Variants in VIT observed in about 807,000 individuals in gnomAD.
VIT encodes the protein vitrin.
In VIT, 99 loss-of-function variants were observed where a neutral mutation model predicts 78.0. The ratio of observed to expected loss-of-function variants is 1.27; its 90% confidence interval spans 1.08 to 1.50. The LOEUF (loss-of-function observed/expected upper bound fraction) is 1.50. Ranked by LOEUF, VIT falls within the 40% of genes most tolerant of loss-of-function variation. The probability of loss-of-function intolerance (pLI) is 0.00; values close to 1 mark genes in which losing one functional copy is unlikely to be tolerated. For synonymous variants in VIT, 374 were observed against 334.3 expected, an observed-to-expected ratio of 1.12 and a Z score of -1.29; for missense variants, 1,126 against 875.3, an observed-to-expected ratio of 1.29 and a Z score of -3.61.
intron 4 of VIT, among the ~76,000 whole-genome samples, chr2:36,745,287 C>G (rs959341612): frequency 9.2e-5 from 14 of 151,926 alleles, no homozygotes; most frequent in African/African-American, 3.4e-4. Context: ...GTTTTTTTGG[C>G]TCTTCAGGCT....
intron 2 of VIT, among the ~76,000 whole-genome samples, chr2:36,724,453 A>T (rs568733965): frequency 6.6e-6 from 1 of 152,172 alleles, no homozygotes; most frequent in Non-Finnish European, 1.5e-5. Flanking sequence ...TAGGCGTCCT[A>T]GGAAAACGAA....
chr2:36,750,093 G>A (rs1035016111), intron 4 of VIT, among the ~76,000 whole-genome samples: 6 of 152,124 alleles, frequency 3.9e-5, no homozygotes, highest in South Asian at 4.1e-4. Flanking sequence ...AAAGAAAAAC[G>A]ACACGAAAAG....
intron 1 of VIT, 25 bp downstream of exon 1, chr2:36,696,998 G>A (rs902915210): frequency 6.6e-6 from 1 of 152,146 alleles, no homozygotes; most frequent in African/African-American, 2.4e-5. Context: ...TTTCTAAGCT[G>A]TGTATATAGT....
chr2:36,787,800 G>A (rs1665209972), intron 12 of VIT: 1 of 456,020 alleles, frequency 2.2e-6, no homozygotes. Flanking sequence ...CCCCTGCACT[G>A]GTACTGGAAA....
At chr2:36,773,214 T>C (rs1198319408) in intron 7 of VIT, among the ~76,000 whole-genome samples, 1 of 152,196 alleles carries the variant, frequency 6.6e-6, no homozygotes, top group Non-Finnish European at 1.5e-5. Context: ...AATAATGAAG[T>C]GTAAAGAAAT....
intron 7 of VIT, among the ~76,000 whole-genome samples, chr2:36,767,684 C>A (rs1669516894): frequency 6.6e-6 from 1 of 152,158 alleles, no homozygotes; most frequent in Admixed American, 6.5e-5. Flanking sequence ...GAAAAGTCAG[C>A]TAATGTTTTT....
rs369323317 is a variant in VIT at position 36,787,286 on chromosome 2, G to T, written c.1058+10G>T. 4 of 1,603,896 alleles carry T rather than the reference G, an allele frequency of 2.5e-6. No individual in the cohort carries two copies. The highest frequency in any genetic ancestry group is 3.4e-6 in the Non-Finnish European group (4 of 1,173,688). On this transcript the variant is annotated intron_variant, in intron 12 of 15. Coordinates refer to ENST00000379242, the MANE Select transcript of VIT (RefSeq NM_053276.4). ...GTGTTGTCCAGTATGGGTAAGTGCA[G>T]TTAATGTTCTGAATCCAGAAAGGAA...
At chr2:36,808,404 C>G (rs1666889514) in intron 14 of VIT, 68 bp from the exon 15 acceptor site, 1 of 1,521,468 alleles carries the variant, frequency 6.6e-7, no homozygotes, top group Non-Finnish European at 8.8e-7. Context: ...CCCGGGGGAT[C>G]AAGCCTAATG....
rs78396242 is a variant in VIT, at chr2:36,767,789, C to A, written c.679+504C>A. 2.5e-3 allele frequency among the ~76,000 whole-genome samples: 386 copies of A among 152,282 alleles called. 1 individual carries two copies. Among genetic ancestry groups the A allele is most frequent in the African/African-American group, 9.0e-3 (376 of 41,562 alleles). ...AAGGTCCAGTTTATGGACTTCATCT[C>A]GTACTACATCAAATAGGGCCTAAGG... On this transcript the variant is annotated intron_variant, in intron 7 of 15. Coordinates refer to ENST00000379242, the MANE Select transcript of VIT (RefSeq NM_053276.4).
intron 11 of VIT, among the ~76,000 whole-genome samples, chr2:36,783,904 G>C (rs776009919): frequency 6.6e-6 from 1 of 152,218 alleles, no homozygotes; most frequent in Non-Finnish European, 1.5e-5. Context: ...GCAGGTTTAT[G>C]TCTATCATTT....
rs766684956 is a variant in VIT, at chr2:36,805,674, T to A, written c.1389+10T>A. On this transcript the variant is annotated intron_variant, in intron 14 of 15. Coordinates refer to ENST00000379242, the MANE Select transcript of VIT (RefSeq NM_053276.4). ...CAACTTTGCAAACAAGGTAGATGAC[T>A]GCCCGGAGACCTACCCAACATCAGG... is the stretch of plus-strand genomic sequence containing the variant. The A allele has an allele frequency of 1.9e-6, 3 of 1,608,660 alleles. No homozygotes were observed. The Admixed American group carries it at 5.0e-5, about 27-fold the overall frequency.
intron 9 of VIT, among the ~76,000 whole-genome samples, chr2:36,780,486 A>C (rs1341490617): frequency 6.6e-6 from 1 of 152,248 alleles, no homozygotes; most frequent in East Asian, 1.9e-4. Flanking sequence ...GCAAGTCATA[A>C]ATATCTTGAA....
intron 3 of VIT, among the ~76,000 whole-genome samples, chr2:36,741,816 G>T (rs1163103503): frequency 6.6e-6 from 1 of 152,118 alleles, no homozygotes; most frequent in Non-Finnish European, 1.5e-5. Flanking sequence ...GCTTCCTGGG[G>T]CAGCTCAGTC....
chr2:36,762,137 T>C (rs868490735), intron 6 of VIT, among the ~76,000 whole-genome samples: 7 of 152,186 alleles, frequency 4.6e-5, no homozygotes, highest in African/African-American at 1.4e-4. Flanking sequence ...TCTAAAACTA[T>C]CTATTTACCC....
intron 12 of VIT, among the ~76,000 whole-genome samples, chr2:36,795,282 AAG>A (rs1665796640): frequency 6.6e-6 from 1 of 152,054 alleles, no homozygotes; most frequent in African/African-American, 2.4e-5. Flanking sequence ...GGTGGGGAAA[AAG>A]AATGGAGTCA....
chr2:36,755,068 C>A lies in VIT; in HGVS notation c.409+14C>A. On this transcript the variant is annotated intron_variant, in intron 5 of 15. Coordinates refer to ENST00000379242, the MANE Select transcript of VIT (RefSeq NM_053276.4). ...TTATCGTCTTAGGTATGACCACACA[C>A]TGGAGAAACGCTGCTAAACCTACCA... 6.2e-7 allele frequency: 1 copy of A among 1,611,574 alleles called. No individual in the cohort carries two copies. Among genetic ancestry groups the A allele is most frequent in the Non-Finnish European group, 8.5e-7 (1 of 1,178,928 alleles).
At chr2:36,740,235 G>C (rs1214811986) in intron 3 of VIT, among the ~76,000 whole-genome samples, 2 of 152,188 alleles carry the variant, frequency 1.3e-5, no homozygotes, top group African/African-American at 2.4e-5. Flanking sequence ...ATAGTTCAAA[G>C]ACCTTCAGAG....
rs560214183 is a variant in VIT at position 36,761,009 on chromosome 2, G to T, written c.487+1963G>T. Reference sequence around the variant, plus strand: ...GAAACAGTCCCCAGGTTCACATAAAGCCCCCAACTTCAGGGACCACATGTC... The same window carrying T: ...GAAACAGTCCCCAGGTTCACATAAATCCCCCAACTTCAGGGACCACATGTC... On this transcript the variant is annotated intron_variant, in intron 6 of 15. Coordinates refer to ENST00000379242, the MANE Select transcript of VIT (RefSeq NM_053276.4). Among the ~76,000 whole-genome samples, 14 of 151,982 alleles carry T rather than the reference G, an allele frequency of 9.2e-5. No homozygotes were observed. The East Asian group carries it at 1.6e-3, about 17-fold the overall frequency.
intron 2 of VIT, among the ~76,000 whole-genome samples, chr2:36,722,738 T>G (rs948755395): frequency 1.7e-4 from 26 of 152,306 alleles, no homozygotes; most frequent in Non-Finnish European, 3.4e-4. Context: ...CTGATTTGAT[T>G]ATTGATTAGA....
Sources: allele counts gnomAD v4.1 joint callset (sites outside exome capture counted in the v4.1 genomes callset), GRCh38; gene constraint gnomAD v4.1.1; transcripts MANE v1.5; gene names NCBI Gene and HGNC (gene_info 2026-07-23, HGNC 2026-07-21).